The following DCAF13 variants were observed in gnomAD, a reference collection of about 807,000 sequenced individuals.
DCAF13 encodes DDB1- and CUL4-associated factor 13.
In DCAF13, 38 loss-of-function variants were observed where a neutral mutation model predicts 59.0. The ratio of observed to expected loss-of-function variants is 0.64; its 90% CI spans 0.50 to 0.84. The LOEUF (loss-of-function observed/expected upper bound fraction) is 0.84, where lower values mean the gene tolerates loss of function less well. Ranked by LOEUF, DCAF13 falls within the 40% of genes least tolerant of loss-of-function variation. The probability of loss-of-function intolerance (pLI) is 0.00; values close to 1 mark genes in which losing one functional copy is unlikely to be tolerated. For missense variants in DCAF13, 469 were observed against 558.4 expected (o/e 0.84, Z 1.61); for synonymous variants, 173 against 175.0 (o/e 0.99, Z 0.09).
chr8:103,419,974 AC>A (rs1387681139), intron 1 of DCAF13, among the ~76,000 whole-genome samples: 1 of 148,584 alleles, frequency 6.7e-6, no homozygotes, highest in Non-Finnish European at 1.5e-5. Flanking sequence ...GCGCCACTGC[AC>A]TCCAGCCTGG....
At chr8:103,436,779 A>C (rs1816940177) in intron 8 of DCAF13, among the ~76,000 whole-genome samples, 1 of 152,174 alleles carries the variant, frequency 6.6e-6, no homozygotes, top group Non-Finnish European at 1.5e-5. Context: ...GTTCCTTAGT[A>C]ATGCTTTAGA....
chr8:103,418,866 ATTTTTTTTTTTTTTTTTTTT>A (rs1159489554), intron 1 of DCAF13, among the ~76,000 whole-genome samples: 4,925 of 38,456 alleles, frequency 0.13, 248 homozygotes, highest in Middle Eastern at 0.25. Context: ...ATATATATAT[ATTTTTTTTTTTTTTTTTTTT>A]TTTTTTTTTT....
intron 7 of DCAF13, among the ~76,000 whole-genome samples, chr8:103,433,152 A>G (rs962198639): frequency 6.6e-6 from 1 of 152,172 alleles, no homozygotes; most frequent in Non-Finnish European, 1.5e-5. Flanking sequence ...TTACAGAAGA[A>G]GTTGGCTGAT....
At position 103,415,414 on chromosome 8, in the gene DCAF13, A is replaced by G. The variant is rs1487627558; in HGVS notation, c.-33A>G. 12 of 1,614,100 alleles carry G rather than the reference A, an allele frequency of 7.4e-6. No homozygotes were observed. The highest frequency in any genetic ancestry group is 6.6e-5 in the South Asian group (6 of 91,080). ...GCGGTGGGCGGAACTCCTAGCGGACACCTCGTGGAGTCCGGCCGGAAGAGC... is the reference window on the plus strand; with the variant it reads ...GCGGTGGGCGGAACTCCTAGCGGACGCCTCGTGGAGTCCGGCCGGAAGAGC... On this transcript the variant is annotated 5_prime_UTR_variant, in exon 1 of 11. Transcript: ENST00000612750.
intron 1 of DCAF13, among the ~76,000 whole-genome samples, chr8:103,418,824 T>TTTTATATA (rs1372895913): frequency 4.1e-4 from 17 of 41,392 alleles, no homozygotes; most frequent in Non-Finnish European, 7.5e-4. Flanking sequence ...CTAAGCATAA[T>TTTTATATA]TATATATATA....
intron 3 of DCAF13, among the ~76,000 whole-genome samples, chr8:103,423,982 G>A (rs2130480144): frequency 6.6e-6 from 1 of 151,830 alleles, no homozygotes; most frequent in South Asian, 2.1e-4. Flanking sequence ...ACAGGCATGA[G>A]TCACCATGCC....
At chr8:103,427,280 C>T (rs372397168) in intron 5 of DCAF13, 28 bp downstream of exon 5, 321 of 1,564,240 alleles carry the variant, frequency 2.1e-4, no homozygotes, top group Non-Finnish European at 2.6e-4. Context: ...GTATGTTTTA[C>T]TTATTATGGC....
At chr8:103,424,109 C>T (rs1384187144) in intron 3 of DCAF13, among the ~76,000 whole-genome samples, 5 of 152,066 alleles carry the variant, frequency 3.3e-5, no homozygotes, top group African/African-American at 1.2e-4. Context: ...AGCTCTGCCT[C>T]CCGGGTTCAC....
At chr8:103,441,781 C>CT (rs59392618) in intron 10 of DCAF13, 163 bp downstream of exon 10, 101,809 of 502,142 alleles carry the variant, frequency 0.2, 2,148 homozygotes, top group East Asian at 0.32. Context: ...TTTCTTTTTT[C>CT]TTTTTTTTTT....
At chr8:103,427,373 A>G in intron 5 of DCAF13, 121 bp downstream of exon 5, 4 of 879,478 alleles carry the variant, frequency 4.5e-6, no homozygotes, top group Non-Finnish European at 6.9e-6. Context: ...GCATTTTGTC[A>G]GTTTTCCCGA....
At position 103,441,443 on chromosome 8, in the gene DCAF13, G is replaced by A. The variant is rs181097654; in HGVS notation, c.1087-12G>A. The A allele has an allele frequency of 9.6e-5, 152 of 1,578,614 alleles. 2 individuals are homozygous for A. In the Middle Eastern group the frequency reaches 2.4e-3, roughly 25 times the overall value. On this transcript the variant is annotated splice_polypyrimidine_tract_variant and intron_variant, in intron 9 of 10. Coordinates refer to ENST00000612750, the MANE Select transcript of DCAF13 (RefSeq NM_015420.7). ...ACACTATTCATTAAGATACCAAAAT[G>A]TGTATTTTCAGCTTACATCACGAGA...
chr8:103,432,623 AG>A (rs763165621), intron 6 of DCAF13, 35 bp from the exon 7 acceptor site: 173 of 1,329,486 alleles, frequency 1.3e-4, no homozygotes, highest in Middle Eastern at 1.1e-3. Context: ...AGAAAAGGAA[AG>A]GAAGTGGGAA....
At chr8:103,434,621 A>G (rs766176545) in intron 7 of DCAF13, among the ~76,000 whole-genome samples, 2 of 152,000 alleles carry the variant, frequency 1.3e-5, no homozygotes, top group African/African-American at 2.4e-5. Flanking sequence ...TTGGGGAGAT[A>G]CTTTGAAACT....
rs568421039 is a variant in DCAF13 at position 103,431,929 on chromosome 8, G to A, written c.703-730G>A. On this transcript the variant is annotated intron_variant, in intron 6 of 10. Transcript: ENST00000612750. ...GTGCTCTGAAATCTGGTTCTAATTT[G>A]CAACTCATTTATTTCTTTTAGTCAG... Among the ~76,000 whole-genome samples, 47 of 152,112 alleles carry A rather than the reference G, an allele frequency of 3.1e-4. 1 individual carries two copies. In the South Asian group the frequency reaches 9.3e-3, roughly 30 times the overall value.
At chr8:103,420,154 A>ATAGAACAATGTCACT in intron 1 of DCAF13, 110 bp from the exon 2 acceptor site, 1 of 962,436 alleles carries the variant, frequency 1.0e-6, no homozygotes, top group Non-Finnish European at 1.6e-6. Context: ...AGTGTTAGGC[A>ATAGAACAATGTCACT]TAGAACAATG....
At chr8:103,420,217 A>G (rs963322037) in intron 1 of DCAF13, 47 bp from the exon 2 acceptor site, 1 of 1,549,304 alleles carries the variant, frequency 6.5e-7, no homozygotes, top group Non-Finnish European at 8.9e-7. Context: ...GGAAGACTGC[A>G]GGAAATATTA....
chr8:103,436,338 A>T (rs949781392), intron 8 of DCAF13, among the ~76,000 whole-genome samples: 3 of 152,200 alleles, frequency 2.0e-5, no homozygotes, highest in Non-Finnish European at 4.4e-5. Flanking sequence ...AAAAAGAAAT[A>T]AAAGTAAGTT....
chr8:103,420,657 C>T, intron 2 of DCAF13, 194 bp downstream of exon 2: 1 of 598,552 alleles, frequency 1.7e-6, no homozygotes, highest in Non-Finnish European at 2.9e-6. Context: ...GTTTAAGGAT[C>T]AATTTGACAG....
Position 103,420,709 on chromosome 8 carries a change from G to C in DCAF13, c.270+246G>C, listed in dbSNP as rs141990122. On this transcript the variant is annotated intron_variant, in intron 2 of 10. Coordinates refer to ENST00000612750, the MANE Select transcript of DCAF13 (RefSeq NM_015420.7). ...GTTTATAATTAAAGTATTTAAGTAT[G>C]AGTTTTTTCACAGATGTTGTCAACA... 4.8e-4 allele frequency: 277 copies of C among 581,798 alleles called. No homozygotes were observed. In the East Asian group the frequency reaches 7.9e-3, roughly 17 times the overall value. 36.0% of individuals were successfully genotyped at this position (581,798 alleles called of 1,614,324 possible). A position where few individuals can be genotyped will look rare whatever the true frequency, so the allele number is the denominator to read the frequency against.
Sources: allele counts gnomAD v4.1 joint callset (sites outside exome capture counted in the v4.1 genomes callset), GRCh38; gene constraint gnomAD v4.1.1; transcripts MANE v1.5; gene names NCBI Gene and HGNC (gene_info 2026-07-23, HGNC 2026-07-21).